Variants in ACOT11 observed in about 807,000 individuals in gnomAD.
ACOT11 encodes the protein acyl-CoA thioesterase 11.
A neutral mutation model predicts 77.5 loss-of-function variants in ACOT11; 69 were observed. The ratio of observed to expected loss-of-function variants is 0.89; its 90% CI spans 0.73 to 1.09. The LOEUF is 1.09. Among genes scored for constraint, ACOT11 ranks in the 50% least tolerant of loss-of-function variants. ACOT11 has a pLI of 0.00. For missense variants in ACOT11, 766 were observed against 813.7 expected, an observed-to-expected ratio of 0.94 and a Z score of 0.71; for synonymous variants, 279 against 313.0, an observed-to-expected ratio of 0.89 and a Z score of 1.15.
chr1:54,610,366 C>T, downstream of ACOT11: 1 of 1,599,694 alleles, frequency 6.3e-7, no homozygotes, highest in African/African-American at 1.3e-5. Context: ...CAAAGGACAC[C>T]CCTGCAGATG....
At chr1:54,606,309 C>T (rs190336008) in intron 13 of ACOT11, among the ~76,000 whole-genome samples, 2 of 152,244 alleles carry the variant, frequency 1.3e-5, no homozygotes, top group East Asian at 3.9e-4. Flanking sequence ...AATCTTGATA[C>T]TTGATGGGAT....
downstream of ACOT11, chr1:54,612,437 G>C (rs1195524927): frequency 7.4e-7 from 1 of 1,360,462 alleles, no homozygotes. Flanking sequence ...GATCTTGCTG[G>C]GGGCATCAGT....
At chr1:54,591,102 G>A (rs2100987182) in intron 3 of ACOT11, among the ~76,000 whole-genome samples, 2 of 152,198 alleles carry the variant, frequency 1.3e-5, no homozygotes, top group East Asian at 3.9e-4. Flanking sequence ...CAGACATCGT[G>A]ATGCTTCATC....
downstream of ACOT11, chr1:54,612,416 T>TTG: frequency 8.6e-7 from 1 of 1,159,068 alleles, no homozygotes; most frequent in Middle Eastern, 2.0e-4. Context: ...CTTCCAGCCA[T>TTG]GAGCTTCTGG....
At chr1:54,620,088 C>A in intron 15 of ACOT11, 1 of 1,470,466 alleles carries the variant, frequency 6.8e-7, no homozygotes, top group South Asian at 1.3e-5. Flanking sequence ...ATGACCCTCC[C>A]TGGGCTCCCA....
chr1:54,585,180 G>A (rs1654453985), intron 2 of ACOT11, among the ~76,000 whole-genome samples: 1 of 152,178 alleles, frequency 6.6e-6, no homozygotes, highest in South Asian at 2.1e-4. Flanking sequence ...CTGACTGCCT[G>A]CCCTGCAGCG....
At chr1:54,581,749 C>A (rs1379874198) in intron 1 of ACOT11, among the ~76,000 whole-genome samples, 1 of 152,150 alleles carries the variant, frequency 6.6e-6, no homozygotes, top group Non-Finnish European at 1.5e-5. Flanking sequence ...TGCCCAGGCC[C>A]TGACTCTATC....
intron 3 of ACOT11, among the ~76,000 whole-genome samples, chr1:54,589,678 G>C (rs1654636609): frequency 6.6e-6 from 1 of 151,882 alleles, no homozygotes; most frequent in South Asian, 2.1e-4. Context: ...GTAGAGATGA[G>C]GTCTCGCTAT....
intron 8 of ACOT11, among the ~76,000 whole-genome samples, chr1:54,600,961 A>G (rs1040755236): frequency 6.6e-6 from 1 of 152,140 alleles, no homozygotes; most frequent in Non-Finnish European, 1.5e-5. Context: ...GCATCCTCAC[A>G]GGGCCGGACA....
Position 54,609,639 on chromosome 1 carries a change from GCT to G in ACOT11, c.*532_*533del, listed in dbSNP as rs1238762680. The G allele has an allele frequency of 1.2e-6, 2 of 1,613,886 alleles. No homozygotes were observed. Among genetic ancestry groups the G allele is most frequent in the South Asian group, 1.1e-5 (1 of 91,086 alleles). On this transcript the variant is annotated 3_prime_UTR_variant, in exon 16 of 16. Coordinates refer to ENST00000343744, the MANE Select transcript of ACOT11 (RefSeq NM_147161.4). ...AAGACCTCAGCCACAGCTGTAAGCA[GCT>G]CTCTGCCAGCCACATGGCCGGGGAC...
intron 1 of ACOT11, among the ~76,000 whole-genome samples, chr1:54,562,632 G>A (rs1569655470): frequency 7.0e-6 from 1 of 142,060 alleles, no homozygotes; most frequent in Non-Finnish European, 1.6e-5. Flanking sequence ...CGGGCGGAGG[G>A]GCTCCTCACT....
chr1:54,628,598 C>G (rs1468107194), intron 15 of ACOT11, among the ~76,000 whole-genome samples: 1 of 122,462 alleles, frequency 8.2e-6, no homozygotes, highest in Non-Finnish European at 1.9e-5. Context: ...CCATCGCCCC[C>G]CCCCCCCAAA....
chr1:54,632,922 A>G (rs1315435631), intron 16 of ACOT11, among the ~76,000 whole-genome samples: 1 of 152,130 alleles, frequency 6.6e-6, no homozygotes, highest in Non-Finnish European at 1.5e-5. Flanking sequence ...TTCTGTACCT[A>G]TAAATTTATG....
At chr1:54,600,320 C>T (rs914672352) in intron 8 of ACOT11, among the ~76,000 whole-genome samples, 1 of 152,118 alleles carries the variant, frequency 6.6e-6, no homozygotes, top group Admixed American at 6.5e-5. Context: ...TATATAATGT[C>T]CACACTCTGC....
At position 54,576,494 on chromosome 1, in the gene ACOT11, A is replaced by T. The variant is rs938611968; in HGVS notation, c.34-8161A>T. 2.5e-3 allele frequency among the ~76,000 whole-genome samples: 367 copies of T among 149,438 alleles called. 2 individuals carry two copies. The highest frequency in any genetic ancestry group is 8.3e-3 in the African/African-American group (337 of 40,740). On this transcript the variant is annotated intron_variant, in intron 1 of 15. Transcript: ENST00000343744. ...GCCTAGGTGACAGAGCAAGATCTAAAAAAAAAAAAAAAAAAAAAAGCAAAG... is the reference window on the plus strand; with the variant it reads ...GCCTAGGTGACAGAGCAAGATCTAATAAAAAAAAAAAAAAAAAAAGCAAAG...
chr1:54,585,238 T>G (rs1569712957), intron 2 of ACOT11, among the ~76,000 whole-genome samples: 1 of 152,164 alleles, frequency 6.6e-6, no homozygotes, highest in South Asian at 2.1e-4. Flanking sequence ...ATTTCATTCC[T>G]TTTGTTGCAC....
Position 54,601,775 on chromosome 1 carries a change from G to A in ACOT11, c.1029+362G>A, listed in dbSNP as rs538940280. 3.3e-5 allele frequency among the ~76,000 whole-genome samples: 5 copies of A among 152,356 alleles called. No individual in the cohort carries two copies. The South Asian group carries it at 1.0e-3, about 32-fold the overall frequency. ...CCCCTCGAGCTTTCAGTCTCCATTTGTAAAATGGGTGTATCTGCAGTCCCT... is the reference window on the plus strand; with the variant it reads ...CCCCTCGAGCTTTCAGTCTCCATTTATAAAATGGGTGTATCTGCAGTCCCT... On this transcript the variant is annotated intron_variant, in intron 9 of 15. Coordinates refer to ENST00000343744, the MANE Select transcript of ACOT11 (RefSeq NM_147161.4).
intron 1 of ACOT11, among the ~76,000 whole-genome samples, chr1:54,566,589 A>T (rs398038): frequency 0.68 from 102,666 of 152,080 alleles, 35,453 homozygotes; most frequent in African/African-American, 0.84. Flanking sequence ...ACTGGTTTCT[A>T]TCATCTTGTG....
chr1:54,566,795 G>C (rs1653750395), intron 1 of ACOT11, among the ~76,000 whole-genome samples: 1 of 152,204 alleles, frequency 6.6e-6, no homozygotes, highest in African/African-American at 2.4e-5. Context: ...GCACCCACGT[G>C]TGGCCTCTTC....
Sources: gnomAD v4.1 joint callset for allele counts (sites outside exome capture counted in the v4.1 genomes callset) on GRCh38, gnomAD v4.1.1 for gene constraint, MANE v1.5 for transcripts, NCBI Gene and HGNC (gene_info 2026-07-23, HGNC 2026-07-21) for gene names.